The following ADAM28 variants were observed in gnomAD, a reference collection of about 807,000 sequenced individuals.
ADAM28 encodes the protein disintegrin and metalloproteinase domain-containing protein 28.
A neutral mutation model predicts 101.2 loss-of-function variants in ADAM28; 105 were observed. That is an observed-to-expected ratio of 1.04 (90% confidence interval 0.89 to 1.22). ADAM28 has a LOEUF of 1.22. Ranked by LOEUF, ADAM28 falls within the 50% of genes most tolerant of loss-of-function variation. The pLI is 0.00. For missense variants in ADAM28, 1,028 were observed against 945.4 expected, an observed-to-expected ratio of 1.09 and a Z score of -1.15; for synonymous variants, 322 against 310.6, an observed-to-expected ratio of 1.04 and a Z score of -0.39.
intron 2 of ADAM28, among the ~76,000 whole-genome samples, chr8:24,309,196 C>A (rs938804795): frequency 6.6e-6 from 1 of 152,092 alleles, no homozygotes; most frequent in East Asian, 1.9e-4. Context: ...ATGGTTTACC[C>A]GAGGTAATAT....
At chr8:24,338,347 G>A (rs1814349608) in intron 14 of ADAM28, among the ~76,000 whole-genome samples, 1 of 152,204 alleles carries the variant, frequency 6.6e-6, no homozygotes, top group African/African-American at 2.4e-5. Context: ...AAAACAGCAT[G>A]ATGCCAGATA....
intron 6 of ADAM28, among the ~76,000 whole-genome samples, chr8:24,314,092 T>G (rs1331034729): frequency 6.6e-6 from 1 of 152,160 alleles, no homozygotes; most frequent in Non-Finnish European, 1.5e-5. Context: ...GTACAAAGGT[T>G]AAAAATAAGT....
At chr8:24,346,747 C>T (rs551078866) in intron 18 of ADAM28, among the ~76,000 whole-genome samples, 6 of 152,084 alleles carry the variant, frequency 3.9e-5, no homozygotes, top group Admixed American at 6.6e-5. Context: ...TAGACCCAGA[C>T]ATCTGCTTTC....
chr8:24,326,296 A>G (rs1458690606), intron 9 of ADAM28, among the ~76,000 whole-genome samples: 15 of 152,050 alleles, frequency 9.9e-5, no homozygotes, highest in Admixed American at 9.8e-4. Context: ...CAAGGGATAC[A>G]TCTCACAATG....
At chr8:24,349,171 G>A (rs1404646408) in intron 18 of ADAM28, among the ~76,000 whole-genome samples, 3 of 152,096 alleles carry the variant, frequency 2.0e-5, no homozygotes, top group East Asian at 1.9e-4. Context: ...ATAAGAGAAC[G>A]GTAACTTTTG....
chr8:24,331,751 T>C (rs1813393741), intron 12 of ADAM28, among the ~76,000 whole-genome samples: 2 of 152,090 alleles, frequency 1.3e-5, no homozygotes, highest in African/African-American at 4.8e-5. Flanking sequence ...TTCAAATGTA[T>C]CTGTTTCCAG....
chr8:24,334,364 C>T (rs374608246), intron 13 of ADAM28, among the ~76,000 whole-genome samples: 19 of 152,118 alleles, frequency 1.2e-4, no homozygotes, highest in African/African-American at 3.1e-4. Context: ...CATGCAAAGC[C>T]GAGATTCAAA....
intron 21 of ADAM28, among the ~76,000 whole-genome samples, chr8:24,352,884 A>C (rs1585762561): frequency 6.6e-6 from 1 of 152,012 alleles, no homozygotes; most frequent in African/African-American, 2.4e-5. Flanking sequence ...CAGATTTTCC[A>C]CCACCGCCAA....
intron 15 of ADAM28, chr8:24,340,750 G>T (rs1814665021): frequency 6.6e-6 from 1 of 152,172 alleles, no homozygotes; most frequent in Non-Finnish European, 1.5e-5. Context: ...TATTTTGAGA[G>T]AATATATGCC....
Position 24,343,105 on chromosome 8 carries a change from G to A in ADAM28, c.1835G>A (p.Cys612Tyr). 2 of 1,613,680 alleles carry A rather than the reference G, an allele frequency of 1.2e-6. No homozygotes were observed. Among genetic ancestry groups the A allele is most frequent in the Non-Finnish European group, 1.7e-6 (2 of 1,179,726 alleles). Residue 612 changes from cysteine to tyrosine, a missense_variant, in exon 17 of 23, where the codon TGC (cysteine) becomes TAC (tyrosine). Coordinates refer to ENST00000265769, the MANE Select transcript of ADAM28 (RefSeq NM_014265.6). ...NGTKCGDNKVCINAECVDIEK... is the reference protein window; with the variant it reads ...NGTKCGDNKVYINAECVDIEK... ...TGTTTTCTACATCACTTTCAGGTTT[G>A]CATTAATGCAGAATGTGTGGATATT...
intron 13 of ADAM28, among the ~76,000 whole-genome samples, 180 bp from the exon 14 acceptor site, chr8:24,335,266 A>G (rs1187098254): frequency 1.3e-5 from 2 of 152,038 alleles, no homozygotes; most frequent in East Asian, 3.9e-4. Flanking sequence ...ATTAACCAAT[A>G]TTAATAGAAG....
intron 2 of ADAM28, among the ~76,000 whole-genome samples, chr8:24,304,518 G>C (rs1292712551): frequency 6.6e-6 from 1 of 151,864 alleles, no homozygotes; most frequent in Admixed American, 6.6e-5. Context: ...TAAATATTTG[G>C]GGATAATGTA....
rs371640691 is a variant in ADAM28, at chr8:24,323,847, T to C, written c.734T>C (p.Leu245Pro). The C allele has an allele frequency of 4.3e-6, 7 of 1,611,114 alleles. No individual in the cohort carries two copies. Among genetic ancestry groups the C allele is most frequent in the Non-Finnish European group, 5.9e-6 (7 of 1,178,260 alleles). Residue 245 changes from leucine to proline, a missense_variant, in exon 9 of 23, where the codon CTC becomes CCC. Physicochemically the swap from Leu to Pro is moderately conservative, Grantham distance 98 (BLOSUM62 -3). Transcript: ENST00000265769. ...TTCTTTGGACAGCTTTATAAAAAGC[T>C]CAATACTCATGTGGCCTTAGTTGGT... ...ANYVNMLYKKLNTHVALVGME... is the reference protein window; with the variant it reads ...ANYVNMLYKKPNTHVALVGME...
chr8:24,302,341 T>C (rs936122578), intron 2 of ADAM28, among the ~76,000 whole-genome samples: 2 of 152,234 alleles, frequency 1.3e-5, no homozygotes, highest in African/African-American at 4.8e-5. Context: ...AGTCTCTCAC[T>C]CATGGGCATT....
At chr8:24,312,599 C>A in intron 5 of ADAM28, among the ~76,000 whole-genome samples, 1 of 151,850 alleles carries the variant, frequency 6.6e-6, no homozygotes, top group Admixed American at 6.6e-5. Context: ...TATTATATCT[C>A]TTGTACTTTT....
chr8:24,346,930 A>G (rs1289548819), intron 18 of ADAM28: 1 of 152,134 alleles, frequency 6.6e-6, no homozygotes, highest in Non-Finnish European at 1.5e-5. Flanking sequence ...AAACACAGGA[A>G]ACACAGCTTC....
At chr8:24,344,871 T>C (rs1048952686) in intron 18 of ADAM28, among the ~76,000 whole-genome samples, 1 of 152,128 alleles carries the variant, frequency 6.6e-6, no homozygotes, top group Non-Finnish European at 1.5e-5. Flanking sequence ...ACTTTCTAAG[T>C]TGTACTTATG....
At chr8:24,297,972 C>G (rs569528285) in intron 1 of ADAM28, among the ~76,000 whole-genome samples, 1 of 152,126 alleles carries the variant, frequency 6.6e-6, no homozygotes, top group Admixed American at 6.5e-5. Flanking sequence ...AAATGAGGAA[C>G]TGAAGAACCC....
At chr8:24,310,367 C>A in intron 4 of ADAM28, 126 bp downstream of exon 4, 6 of 727,276 alleles carry the variant, frequency 8.2e-6, no homozygotes, top group South Asian at 2.3e-5. Flanking sequence ...TCAGCAGTAG[C>A]CATTACTTAA....
Sources: gnomAD v4.1 joint callset for allele counts (sites outside exome capture counted in the v4.1 genomes callset) on GRCh38, gnomAD v4.1.1 for gene constraint, MANE v1.5 for transcripts, NCBI Gene and HGNC (gene_info 2026-07-23, HGNC 2026-07-21) for gene names.